The following EXOC6 variants were observed in gnomAD, a reference collection of about 807,000 sequenced individuals.
EXOC6 encodes SEC15-like 1.
A neutral mutation model predicts 112.5 loss-of-function variants in EXOC6; 60 were observed. That is an observed-to-expected ratio of 0.53 (90% confidence interval 0.43 to 0.66). EXOC6 has a LOEUF of 0.66. Ranked by LOEUF, EXOC6 falls within the 30% of genes least tolerant of loss-of-function variation. The pLI, the probability that EXOC6 is intolerant of heterozygous loss-of-function variation, is 0.00. For missense variants in EXOC6, 855 were observed against 957.1 expected (o/e 0.89, Z 1.41); for synonymous variants, 295 against 308.0 (o/e 0.96, Z 0.44).
chr10:92,867,467 G>GAGCAATATA (rs377015809), intron 1 of EXOC6, among the ~76,000 whole-genome samples: 27 of 152,210 alleles, frequency 1.8e-4, no homozygotes, highest in African/African-American at 6.3e-4. Flanking sequence ...TGCTGCTTGG[G>GAGCAATATA]TTTTACTTCT....
Position 92,974,232 on chromosome 10 carries a change from T to C in EXOC6, c.1953T>C (p.Pro651=), listed in dbSNP as rs759605923. 2.0e-6 allele frequency: 3 copies of C among 1,536,734 alleles called. No individual in the cohort carries two copies. Among genetic ancestry groups the C allele is most frequent in the African/African-American group, 2.8e-5 (2 of 70,782 alleles). The change falls in exon 18 of 22, where the codon CCT becomes CCC. Residue 651 remains proline (P), a splice_region_variant and synonymous_variant. Transcript: ENST00000260762. ...TCTTTCAAGTGTTTACTCATTTGCCTGTAAGTATAAAAATTTTCAAAAATT... is the reference window on the plus strand; with the variant it reads ...TCTTTCAAGTGTTTACTCATTTGCCCGTAAGTATAAAAATTTTCAAAAATT... The part of the protein sequence containing the change: ...RSIFQVFTHL[P]GKVAQTACMS...
intron 18 of EXOC6, among the ~76,000 whole-genome samples, chr10:92,981,445 C>G (rs1842821184): frequency 6.6e-6 from 1 of 152,148 alleles, no homozygotes. Context: ...ATAGGGGAGA[C>G]ATGTAAATGA....
At position 93,026,285 on chromosome 10, in the gene EXOC6, G is replaced by A. The variant is rs547018662; in HGVS notation, c.2169+12018G>A. On this transcript the variant is annotated intron_variant, in intron 20 of 21. Transcript: ENST00000260762. ...GAGTGGAATTGCTGAGTCAGGGAGT[G>A]TATACACATGATCAGTTTTAATAGA... Among the ~76,000 whole-genome samples, 5 of 152,290 alleles carry A rather than the reference G, an allele frequency of 3.3e-5. No homozygotes were observed. In the East Asian group the frequency reaches 9.6e-4, roughly 29 times the overall value.
chr10:92,964,243 T>A (rs1233395768), intron 17 of EXOC6, among the ~76,000 whole-genome samples: 1 of 151,512 alleles, frequency 6.6e-6, no homozygotes. Flanking sequence ...ATATATATAT[T>A]TTTAAAAAAT....
At chr10:93,045,772 C>T (rs2486680) in intron 20 of EXOC6, among the ~76,000 whole-genome samples, 19,640 of 152,090 alleles carry the variant, frequency 0.13, 1,395 homozygotes, top group African/African-American at 0.18. Flanking sequence ...ACTTGTTATG[C>T]AAGTGTAGCA....
chr10:92,975,092 C>G (rs1372574800), intron 18 of EXOC6, among the ~76,000 whole-genome samples: 7 of 151,944 alleles, frequency 4.6e-5, no homozygotes, highest in Non-Finnish European at 8.8e-5. Context: ...AGCGTCTCTG[C>G]CCGGCCACCA....
At chr10:92,942,527 A>G (rs1301815620) in intron 13 of EXOC6, among the ~76,000 whole-genome samples, 2 of 152,206 alleles carry the variant, frequency 1.3e-5, no homozygotes, top group Non-Finnish European at 1.5e-5. Flanking sequence ...GCTATCCCAG[A>G]TGGATAATTG....
chr10:92,996,467 A>T (rs966610932), intron 18 of EXOC6, among the ~76,000 whole-genome samples: 1 of 152,180 alleles, frequency 6.6e-6, no homozygotes, highest in Admixed American at 6.5e-5. Context: ...AACACAAAAA[A>T]TTAGCCAGGC....
At chr10:92,847,424 G>A (rs1473770115), upstream of EXOC6, among the ~76,000 whole-genome samples, 1 of 152,214 alleles carries the variant, frequency 6.6e-6, no homozygotes, top group Non-Finnish European at 1.5e-5. Context: ...CAGGATGTTT[G>A]TGGGGAGGAG....
At chr10:92,944,976 T>C (rs1202176880) in intron 13 of EXOC6, among the ~76,000 whole-genome samples, 1 of 152,030 alleles carries the variant, frequency 6.6e-6, no homozygotes, top group Non-Finnish European at 1.5e-5. Context: ...TTCTGTATGT[T>C]GGTCAGGCTG....
At chr10:92,996,641 T>C (rs763827790) in intron 18 of EXOC6, among the ~76,000 whole-genome samples, 4 of 151,964 alleles carry the variant, frequency 2.6e-5, no homozygotes, top group Admixed American at 6.6e-5. Flanking sequence ...CTAAAAGTGA[T>C]GTAGTTTTGT....
At chr10:93,035,401 CTG>C (rs1258600849) in intron 20 of EXOC6, among the ~76,000 whole-genome samples, 8 of 152,298 alleles carry the variant, frequency 5.3e-5, no homozygotes, top group African/African-American at 1.9e-4. Context: ...AAAACAAACA[CTG>C]TGATAATTAC....
chr10:92,869,247 C>T (rs1848323749), intron 1 of EXOC6, among the ~76,000 whole-genome samples: 1 of 151,898 alleles, frequency 6.6e-6, no homozygotes, highest in African/African-American at 2.4e-5. Context: ...AAGTAATCCT[C>T]CCTCCTTGGC....
At chr10:92,909,356 T>C (rs1490036707) in intron 5 of EXOC6, 71 bp from the exon 6 acceptor site, 1 of 1,119,538 alleles carries the variant, frequency 8.9e-7, no homozygotes, top group Non-Finnish European at 1.3e-6. Flanking sequence ...TAAAACTGAT[T>C]ATTTAGATTT....
Position 93,059,444 on chromosome 10 carries a change from T to C in EXOC6, c.*1089T>C, listed in dbSNP as rs1846681335. 2.0e-5 allele frequency: 3 copies of C among 152,246 alleles called. No homozygotes were observed. The highest frequency in any genetic ancestry group is 4.4e-5 in the Non-Finnish European group (3 of 68,044). The allele number at this position is 152,246 out of a possible 1,614,324, so 9.4% of individuals were successfully genotyped here. On this transcript the variant is annotated 3_prime_UTR_variant, in exon 22 of 22. Coordinates refer to ENST00000260762, the MANE Select transcript of EXOC6 (RefSeq NM_019053.6). ...GTGTAAAGAATTATATGTACATCTC[T>C]GGATTTTGTGATGAAATATTAAAAA...
At chr10:92,974,673 C>T (rs961391313) in intron 18 of EXOC6, among the ~76,000 whole-genome samples, 1 of 151,872 alleles carries the variant, frequency 6.6e-6, no homozygotes, top group Non-Finnish European at 1.5e-5. Context: ...CTGCCTGATT[C>T]TCCTGCCTCA....
At chr10:92,950,993 A>G (rs1853373027) in intron 14 of EXOC6, among the ~76,000 whole-genome samples, 1 of 152,150 alleles carries the variant, frequency 6.6e-6, no homozygotes, top group Non-Finnish European at 1.5e-5. Flanking sequence ...TTATGTGCAT[A>G]TGAGGGGTAA....
chr10:93,050,028 A>C (rs1357939419), intron 20 of EXOC6, among the ~76,000 whole-genome samples: 1 of 152,098 alleles, frequency 6.6e-6, no homozygotes, highest in Non-Finnish European at 1.5e-5. Flanking sequence ...TGTATGGTAC[A>C]TCTCAAAGCT....
At chr10:92,895,043 A>G (rs747067921) in intron 4 of EXOC6, 23 bp downstream of exon 4, 1 of 1,400,216 alleles carries the variant, frequency 7.1e-7, no homozygotes, top group Non-Finnish European at 1.0e-6. Context: ...TGTCTATAAT[A>G]AAACGTTTGG....
Sources: allele counts gnomAD v4.1 joint callset (sites outside exome capture counted in the v4.1 genomes callset), GRCh38; gene constraint gnomAD v4.1.1; transcripts MANE v1.5; gene names NCBI Gene and HGNC (gene_info 2026-07-23, HGNC 2026-07-21).